Variants in XYLT1 observed in about 807,000 individuals in gnomAD.
XYLT1 encodes the protein beta-D-xylosyltransferase 1.
XYLT1 carries 36 observed loss-of-function variants against 91.3 expected under a neutral mutation model. That is an observed-to-expected ratio of 0.39 (90% CI 0.30 to 0.52). XYLT1 has a LOEUF of 0.52. Among genes scored for constraint, XYLT1 ranks in the 20% least tolerant of loss-of-function variants. The probability of loss-of-function intolerance (pLI) is 0.68; values close to 1 mark genes in which losing one functional copy is unlikely to be tolerated. For synonymous variants in XYLT1, 588 were observed against 532.0 expected (o/e 1.11, Z -1.45); for missense variants, 1,242 against 1,284.5 (o/e 0.97, Z 0.51).
chr16:17,344,790 T>C (rs193173986), intron 2 of XYLT1, among the ~76,000 whole-genome samples: 8 of 152,036 alleles, frequency 5.3e-5, no homozygotes, highest in East Asian at 3.9e-4. Flanking sequence ...AACCTCTGCC[T>C]TCCGGATTCA....
At chr16:17,206,249 G>C (rs1314817541) in intron 3 of XYLT1, among the ~76,000 whole-genome samples, 1 of 152,112 alleles carries the variant, frequency 6.6e-6, no homozygotes, top group African/African-American at 2.4e-5. Flanking sequence ...TCGTCTTACT[G>C]GGGGAGAAAA....
At chr16:17,112,020 G>A (rs1049006475) in intron 11 of XYLT1, among the ~76,000 whole-genome samples, 2 of 152,146 alleles carry the variant, frequency 1.3e-5, no homozygotes, top group Non-Finnish European at 2.9e-5. Flanking sequence ...GTGAGAAAGT[G>A]GAGAATGAGG....
intron 2 of XYLT1, among the ~76,000 whole-genome samples, chr16:17,261,506 A>AC (rs1455980039): frequency 6.6e-6 from 1 of 152,190 alleles, no homozygotes; most frequent in Non-Finnish European, 1.5e-5. Flanking sequence ...ACTCTGGGCT[A>AC]CCAGGGACAT....
intron 3 of XYLT1, among the ~76,000 whole-genome samples, chr16:17,211,915 T>G (rs1253257099): frequency 6.6e-6 from 1 of 152,216 alleles, no homozygotes; most frequent in Non-Finnish European, 1.5e-5. Flanking sequence ...GTAGGATGTT[T>G]AGCAGCATCG....
intron 3 of XYLT1, among the ~76,000 whole-genome samples, chr16:17,252,548 C>T (rs1006463120): frequency 6.6e-6 from 1 of 152,222 alleles, no homozygotes; most frequent in Non-Finnish European, 1.5e-5. Context: ...AGAGGAATCC[C>T]TCTTCCCCTC....
intron 2 of XYLT1, among the ~76,000 whole-genome samples, chr16:17,318,776 G>A (rs1416077187): frequency 6.8e-6 from 1 of 146,556 alleles, no homozygotes; most frequent in Admixed American, 7.2e-5. Flanking sequence ...GTTCCATCCT[G>A]GGATCTGCTT....
At chr16:17,192,028 A>T (rs2032320159) in intron 5 of XYLT1, among the ~76,000 whole-genome samples, 1 of 147,520 alleles carries the variant, frequency 6.8e-6, no homozygotes, top group African/African-American at 2.5e-5. Context: ...TTTACATCTG[A>T]TTTGCCCCAA....
chr16:17,388,737 A>G (rs754597616), intron 1 of XYLT1, among the ~76,000 whole-genome samples: 22 of 152,206 alleles, frequency 1.4e-4, no homozygotes, highest in Non-Finnish European at 1.9e-4. Context: ...TTTAACAAAA[A>G]GGAGAAACAA....
At chr16:17,119,504 ATTTCCT>A (rs2029973414) in intron 10 of XYLT1, among the ~76,000 whole-genome samples, 1 of 152,296 alleles carries the variant, frequency 6.6e-6, no homozygotes, top group African/African-American at 2.4e-5. Flanking sequence ...ACATTCTGAG[ATTTCCT>A]ATGTGCAGGG....
chr16:17,351,764 T>C (rs2035224202), intron 2 of XYLT1, among the ~76,000 whole-genome samples: 1 of 146,284 alleles, frequency 6.8e-6, no homozygotes, highest in South Asian at 2.1e-4. Flanking sequence ...GGGGGTGCTT[T>C]CCTGTGCATT....
chr16:17,379,763 T>TCACACACACACACACACACACACA (rs71137987), intron 1 of XYLT1, among the ~76,000 whole-genome samples: 16 of 125,620 alleles, frequency 1.3e-4, no homozygotes, highest in African/African-American at 4.1e-4. Flanking sequence ...TCTCTCTCTC[T>TCACACACACACACACACACACACA]CACACACACA....
chr16:17,111,662 A>T (rs1966841083), intron 11 of XYLT1, among the ~76,000 whole-genome samples: 1 of 152,216 alleles, frequency 6.6e-6, no homozygotes, highest in Non-Finnish European at 1.5e-5. Context: ...ATAGTAGATG[A>T]ATTCAAAATT....
intron 1 of XYLT1, among the ~76,000 whole-genome samples, chr16:17,465,143 CAAAAAAAAAA>C (rs35623153): frequency 2.5e-4 from 9 of 35,886 alleles, no homozygotes; most frequent in Non-Finnish European, 3.6e-4. Context: ...GATGCTGTCT[CAAAAAAAAAA>C]AAAAAAAAAA....
At chr16:17,129,508 C>T (rs557641171) in intron 9 of XYLT1, among the ~76,000 whole-genome samples, 6 of 152,202 alleles carry the variant, frequency 3.9e-5, no homozygotes, top group African/African-American at 7.2e-5. Context: ...TCAAGTGATC[C>T]GCCCGCCTCG....
intron 1 of XYLT1, among the ~76,000 whole-genome samples, chr16:17,405,872 G>C (rs950187939): frequency 1.3e-5 from 2 of 152,162 alleles, no homozygotes; most frequent in East Asian, 3.9e-4. Context: ...CCATACAGAG[G>C]GGGGATGAAA....
chr16:17,399,816 G>A (rs939929143), intron 1 of XYLT1, among the ~76,000 whole-genome samples: 3 of 150,896 alleles, frequency 2.0e-5, no homozygotes, highest in African/African-American at 4.9e-5. Flanking sequence ...ACAGCTGCAC[G>A]TTTATTAATT....
At chr16:17,134,936 A>G (rs2030653728) in intron 8 of XYLT1, among the ~76,000 whole-genome samples, 1 of 130,478 alleles carries the variant, frequency 7.7e-6, no homozygotes. Flanking sequence ...TGTGCAGAAC[A>G]TCTAAAGCAA....
chr16:17,343,132 AC>A (rs1395965288), intron 2 of XYLT1, among the ~76,000 whole-genome samples: 1 of 152,184 alleles, frequency 6.6e-6, no homozygotes, highest in East Asian at 1.9e-4. Flanking sequence ...TGCACACAGG[AC>A]CCTTTCACAG....
At chr16:17,200,283 C>T (rs2032514011) in intron 4 of XYLT1, among the ~76,000 whole-genome samples, 199 bp downstream of exon 4, 1 of 152,034 alleles carries the variant, frequency 6.6e-6, no homozygotes, top group Non-Finnish European at 1.5e-5. Context: ...TTGTAAGTCG[C>T]AGCTGGAAAC....
Sources: gnomAD v4.1 joint callset for allele counts (sites outside exome capture counted in the v4.1 genomes callset) on GRCh38, gnomAD v4.1.1 for gene constraint, MANE v1.5 for transcripts, NCBI Gene and HGNC (gene_info 2026-07-23, HGNC 2026-07-21) for gene names.